The following COX11 variants were observed in gnomAD, a reference collection of about 807,000 sequenced individuals.
COX11 encodes the protein cytochrome c oxidase copper chaperone COX11.
Under a neutral mutation model 29.4 loss-of-function variants are expected in COX11, and 18 were observed. That is an observed-to-expected ratio of 0.61 (90% CI 0.42 to 0.91). COX11 has a LOEUF of 0.91. Among genes scored for constraint, COX11 ranks in the 40% least tolerant of loss-of-function variants. The pLI is 0.00. For synonymous variants in COX11, 131 were observed against 124.0 expected, an observed-to-expected ratio of 1.06 and a Z score of -0.38; for missense variants, 312 against 346.0, an observed-to-expected ratio of 0.90 and a Z score of 0.78.
upstream of COX11, chr17:54,968,658 C>T (rs778347072): frequency 2.5e-6 from 4 of 1,596,546 alleles, no homozygotes; most frequent in Middle Eastern, 1.7e-4. Flanking sequence ...ACCCTCTGAA[C>T]TAACACCCAC....
intron 1 of COX11, among the ~76,000 whole-genome samples, chr17:54,967,150 A>G (rs1275826120): frequency 6.6e-6 from 1 of 152,204 alleles, no homozygotes; most frequent in Non-Finnish European, 1.5e-5. Flanking sequence ...GCACGCTGGA[A>G]TCACCTAAAA....
downstream of COX11, among the ~76,000 whole-genome samples, chr17:54,958,979 A>G (rs549447382): frequency 6.6e-6 from 1 of 152,168 alleles, no homozygotes; most frequent in Non-Finnish European, 1.5e-5. Flanking sequence ...AATAATGGAC[A>G]ATACAAATGA....
rs1183918384 is a variant in COX11 at position 54,962,584 on chromosome 17, T to C, written c.*149A>G. ...TATGATAAAAGCTGAACTTGTTCTC[T>C]CAAGTTTAAGTGAAAAAAATTAGTT... On this transcript the variant is annotated 3_prime_UTR_variant, in exon 4 of 4. Coordinates refer to ENST00000299335, the MANE Select transcript of COX11 (RefSeq NM_004375.5). 18 of 1,348,302 alleles carry C rather than the reference T, an allele frequency of 1.3e-5. No individual in the cohort carries two copies. Among genetic ancestry groups the C allele is most frequent in the Non-Finnish European group, 1.6e-5 (17 of 1,050,308 alleles). 83.5% of individuals were successfully genotyped at this position (1,348,302 alleles called of 1,614,324 possible).
downstream of COX11, chr17:54,958,385 G>A (rs893583702): frequency 3.9e-5 from 6 of 152,224 alleles, no homozygotes; most frequent in African/African-American, 1.4e-4. Context: ...AGATTAAGTA[G>A]AGACAGTAAG....
chr17:54,966,231 T>C (rs1021974454), intron 1 of COX11, among the ~76,000 whole-genome samples: 2 of 152,220 alleles, frequency 1.3e-5, no homozygotes. Flanking sequence ...AGTCTTTGAA[T>C]ATGGGTTCAA....
chr17:54,966,611 C>T (rs2077220438), intron 1 of COX11, among the ~76,000 whole-genome samples: 2 of 152,324 alleles, frequency 1.3e-5, no homozygotes, highest in South Asian at 4.1e-4. Flanking sequence ...AATGTCTTCA[C>T]ACATCGCTAA....
At position 54,961,032 on chromosome 17, in the gene COX11, G is replaced by A. The variant is rs2077107479; in HGVS notation, c.*1701C>T. Reference sequence around the variant, plus strand: ...CTATTTTCAGCACTACTAATCCCATGTATTTACTATTTAATGGTCACCAAT... The same window carrying A: ...CTATTTTCAGCACTACTAATCCCATATATTTACTATTTAATGGTCACCAAT... On this transcript the variant is annotated 3_prime_UTR_variant, in exon 4 of 4. Coordinates refer to ENST00000299335, the MANE Select transcript of COX11 (RefSeq NM_004375.5). 5.1e-6 allele frequency: 3 copies of A among 586,846 alleles called. No individual in the cohort carries two copies. The highest frequency in any genetic ancestry group is 3.1e-5 in the Admixed American group (1 of 32,190). The allele number at this position is 586,846 out of a possible 1,614,324, so 36.4% of individuals were successfully genotyped here.
chr17:54,963,227 T>C (rs772934138), intron 3 of COX11, 79 bp downstream of exon 3: 1 of 1,464,032 alleles, frequency 6.8e-7, no homozygotes, highest in African/African-American at 1.4e-5. Context: ...AATCACAAGA[T>C]CTACTAAAAC....
intron 1 of COX11, among the ~76,000 whole-genome samples, chr17:54,967,556 T>C (rs1418175263): frequency 1.3e-5 from 2 of 152,228 alleles, no homozygotes; most frequent in South Asian, 2.1e-4. Flanking sequence ...TTAACTAAAA[T>C]ATAGAGTGCT....
intron 1 of COX11, among the ~76,000 whole-genome samples, chr17:54,967,172 A>G (rs1393384850): frequency 6.6e-6 from 1 of 152,150 alleles, no homozygotes; most frequent in Non-Finnish European, 1.5e-5. Flanking sequence ...ATACTTGACA[A>G]TTACTGATGC....
Position 54,968,482 on chromosome 17 carries a change from T to A in COX11, c.165A>T (p.Thr55=), listed in dbSNP as rs2077317485. The stretch of plus-strand genomic sequence containing the variant: ...GGGCTCGAAGGCTGCAGCGCTTCCA[T>A]GTCCCAAGCCACCTCAGTCCTCTCT... ...GAERGLRWLG[T]WKRCSLRARH... Residue 55 remains threonine, a synonymous_variant, in exon 1 of 4, where the codon ACA becomes ACT. Coordinates refer to ENST00000299335, the MANE Select transcript of COX11 (RefSeq NM_004375.5). The A allele has an allele frequency of 6.2e-7, 1 of 1,613,392 alleles. No individual in the cohort carries two copies. The highest frequency in any genetic ancestry group is 1.6e-4 in the Middle Eastern group (1 of 6,062).
At position 54,962,844 on chromosome 17, in the gene COX11, A is replaced by T. The variant is rs2077153754; in HGVS notation, c.720T>A (p.Asp240Glu). 6.2e-7 allele frequency: 1 copy of T among 1,613,062 alleles called. No homozygotes were observed. The highest frequency in any genetic ancestry group is 8.5e-7 in the Non-Finnish European group (1 of 1,179,362). ...EVDMPVFFYI[D>E]PEFAEDPRMI... ...TTCTTGGATCTTCAGCAAATTCAGG[A>T]TCAATGTAGAAAAACACTGGCATAT... The change falls in exon 4 of 4, where the codon GAT becomes GAA. Residue 240 changes from aspartate (D) to glutamate (E), a missense_variant. Around this residue, in one of 2 missense-constraint regions of COX11, gnomAD observed 182 missense variants for 240.0 expected, o/e 0.76. Transcript: ENST00000299335.
intron 3 of COX11, 38 bp from the exon 4 acceptor site, chr17:54,962,953 C>A: frequency 6.5e-7 from 1 of 1,542,330 alleles, no homozygotes; most frequent in South Asian, 1.2e-5. Flanking sequence ...CATTTCTATT[C>A]TCGTATTACA....
Position 54,961,223 on chromosome 17 carries a change from TC to T in COX11, c.*1509del. 1 of 1,505,184 alleles carries T rather than the reference TC, an allele frequency of 6.6e-7. No homozygotes were observed. Among genetic ancestry groups the T allele is most frequent in the Non-Finnish European group, 9.1e-7 (1 of 1,104,542 alleles). The allele number at this position is 1,505,184 out of a possible 1,614,324, so 93.2% of individuals were successfully genotyped here. On this transcript the variant is annotated 3_prime_UTR_variant, in exon 4 of 4. Coordinates refer to ENST00000299335, the MANE Select transcript of COX11 (RefSeq NM_004375.5). Reference sequence around the variant, plus strand: ...AGGATGAATACTGGCCATTTTCTTCTCTTTATTTTAGAAGAAAGTGGATGAT... The same window carrying T: ...AGGATGAATACTGGCCATTTTCTTCTTTTATTTTAGAAGAAAGTGGATGAT...
At chr17:54,955,755 A>G (rs907103386), downstream of COX11, among the ~76,000 whole-genome samples, 5 of 152,158 alleles carry the variant, frequency 3.3e-5, no homozygotes, top group Admixed American at 6.5e-5. Context: ...CCTAGGTCCT[A>G]ATCCTGACAA....
chr17:54,958,748 A>AAAAAAAAAAAAAAAAAAG (rs372776781), downstream of COX11, among the ~76,000 whole-genome samples: 12 of 118,922 alleles, frequency 1.0e-4, 1 homozygote, highest in Non-Finnish European at 1.4e-4. Flanking sequence ...AAAAAAAAAA[A>AAAAAAAAAAAAAAAAAAG]GGGGTTGTTG....
chr17:54,956,531 C>T (rs2049512735), downstream of COX11, among the ~76,000 whole-genome samples: 1 of 152,284 alleles, frequency 6.6e-6, no homozygotes, highest in Middle Eastern at 3.4e-3. Context: ...TGGTCTCGAA[C>T]TCTTGGTCTC....
In COX11 at chr17:54,960,549, T is replaced by C. The variant is rs1598098427; in HGVS notation, c.*2184A>G. The C allele has an allele frequency of 6.2e-7, 1 of 1,609,722 alleles. No homozygotes were observed. The highest frequency in any genetic ancestry group is 1.3e-5 in the African/African-American group (1 of 74,932). ...AAATTGATACATAACCCTTTTGCTG[T>C]GATGGCTTTGTTTCAGAGCTATTTA... is the stretch of plus-strand genomic sequence containing the variant. On this transcript the variant is annotated 3_prime_UTR_variant, in exon 4 of 4. Transcript: ENST00000299335.
In COX11 at chr17:54,962,567, A is replaced by C. The variant is rs2077148660; in HGVS notation, c.*166T>G. The C allele has an allele frequency of 1.5e-6, 2 of 1,338,132 alleles. No individual in the cohort carries two copies. The highest frequency in any genetic ancestry group is 1.9e-5 in the South Asian group (1 of 53,218). The allele number at this position is 1,338,132 out of a possible 1,614,324, so 82.9% of individuals were successfully genotyped here. On this transcript the variant is annotated 3_prime_UTR_variant, in exon 4 of 4. Coordinates refer to ENST00000299335, the MANE Select transcript of COX11 (RefSeq NM_004375.5). ...TAGGCATATGAGTTTCTTATGATAA[A>C]AGCTGAACTTGTTCTCTCAAGTTTA...
Sources: gnomAD v4.1 joint callset for allele counts (sites outside exome capture counted in the v4.1 genomes callset) on GRCh38, gnomAD v4.1.1 for gene constraint, gnomAD v4.1.1 regional missense constraint, MANE v1.5 for transcripts, NCBI Gene and HGNC (gene_info 2026-07-23, HGNC 2026-07-21) for gene names.